The following THSD7B variants were observed in gnomAD, a reference collection of about 807,000 sequenced individuals.
THSD7B encodes the protein thrombospondin type-1 domain-containing protein 7B.
THSD7B carries 138 observed loss-of-function variants against 213.6 expected under a neutral mutation model. That is an observed-to-expected ratio of 0.65 (90% CI 0.56 to 0.74). THSD7B has a LOEUF of 0.74. Ranked by LOEUF, THSD7B falls within the 30% of genes least tolerant of loss-of-function variation. THSD7B has a pLI of 0.00. For missense variants in THSD7B, 1,931 were observed against 1,991.5 expected (o/e 0.97, Z 0.58); for synonymous variants, 742 against 687.0 (o/e 1.08, Z -1.25).
Position 137,233,143 on chromosome 2 carries a change from A to T in THSD7B, c.2150+10A>T. On this transcript the variant is annotated intron_variant, in intron 9 of 27. Transcript: ENST00000409968. ...AAGTAATGACCAAAAGGTATTTATT[A>T]GGCTGTTACTGAAAATGCATTTGCT... The T allele has an allele frequency of 6.2e-7, 1 of 1,603,368 alleles. No homozygotes were observed. Among genetic ancestry groups the T allele is most frequent in the Non-Finnish European group, 8.5e-7 (1 of 1,173,044 alleles).
rs1401196088 is a variant in THSD7B at position 137,519,845 on chromosome 2, A to G, written c.3139-43376A>G. On this transcript the variant is annotated intron_variant, in intron 15 of 27. Transcript: ENST00000409968. ...GAATTCATTGATAAATACTTAAAAT[A>G]TAAGAAAAACAACTTTATTTGATCA... is the stretch of plus-strand genomic sequence containing the variant. Among the ~76,000 whole-genome samples the G allele has an allele frequency of 3.9e-5, 6 of 152,376 alleles. No homozygotes were observed. In the East Asian group the frequency reaches 7.7e-4, roughly 20 times the overall value.
chr2:137,650,328 A>G (rs939910297), intron 21 of THSD7B, among the ~76,000 whole-genome samples: 2 of 151,986 alleles, frequency 1.3e-5, no homozygotes, highest in African/African-American at 4.8e-5. Context: ...CAGGTGTTTT[A>G]TATCCTTTAT....
At chr2:137,633,776 A>G (rs1198809911) in intron 20 of THSD7B, among the ~76,000 whole-genome samples, 1 of 152,132 alleles carries the variant, frequency 6.6e-6, no homozygotes, top group Admixed American at 6.5e-5. Flanking sequence ...AAGGAAGAGA[A>G]AAAGCTAAGC....
intron 7 of THSD7B, among the ~76,000 whole-genome samples, chr2:137,192,296 C>G (rs1236022895): frequency 6.6e-6 from 1 of 151,962 alleles, no homozygotes; most frequent in African/African-American, 2.4e-5. Context: ...AAGTAACCTC[C>G]AAGTATATTA....
chr2:137,436,300 A>G (rs1317542953), intron 14 of THSD7B, among the ~76,000 whole-genome samples: 2 of 152,118 alleles, frequency 1.3e-5, no homozygotes, highest in Non-Finnish European at 2.9e-5. Context: ...TTTATTAACT[A>G]ATTTATTCTT....
At chr2:137,037,998 G>A (rs1424457855) in intron 2 of THSD7B, among the ~76,000 whole-genome samples, 1 of 151,964 alleles carries the variant, frequency 6.6e-6, no homozygotes, top group East Asian at 1.9e-4. Flanking sequence ...AAAATGTTTT[G>A]TTGATTGCTT....
At chr2:137,553,951 C>A (rs1432148022) in intron 15 of THSD7B, among the ~76,000 whole-genome samples, 1 of 151,630 alleles carries the variant, frequency 6.6e-6, no homozygotes, top group Non-Finnish European at 1.5e-5. Context: ...TGTTTTTGGT[C>A]CTCTAGATAA....
chr2:137,511,875 C>G (rs1679967226), intron 15 of THSD7B, among the ~76,000 whole-genome samples: 1 of 152,162 alleles, frequency 6.6e-6, no homozygotes, highest in Non-Finnish European at 1.5e-5. Flanking sequence ...AAATTTTACA[C>G]TTAAATTTCT....
intron 14 of THSD7B, among the ~76,000 whole-genome samples, chr2:137,442,383 T>C (rs1687433174): frequency 6.6e-6 from 1 of 152,082 alleles, no homozygotes; most frequent in South Asian, 2.1e-4. Flanking sequence ...AGATGCTTTG[T>C]TGTGCCAAGC....
chr2:137,546,853 A>G (rs567021232), intron 15 of THSD7B, among the ~76,000 whole-genome samples: 1 of 151,926 alleles, frequency 6.6e-6, no homozygotes, highest in African/African-American at 2.4e-5. Context: ...CTTCTACCTT[A>G]CCAACAGTAG....
At chr2:137,350,009 C>T (rs1258637678) in intron 12 of THSD7B, among the ~76,000 whole-genome samples, 1 of 151,750 alleles carries the variant, frequency 6.6e-6, no homozygotes, top group Non-Finnish European at 1.5e-5. Flanking sequence ...TCAAGTATCA[C>T]TTTAAAAAGT....
Position 137,521,981 on chromosome 2 carries a change from C to T in THSD7B, c.3139-41240C>T, listed in dbSNP as rs139557170. On this transcript the variant is annotated intron_variant, in intron 15 of 27. Coordinates refer to ENST00000409968, the MANE Select transcript of THSD7B (RefSeq NM_001316349.2). ...CGAATCCCTCCTTGTAGGGGTATCA[C>T]AAAGGAAAATCCCACAAGACCTCCT... Among the ~76,000 whole-genome samples the T allele has an allele frequency of 2.5e-3, 375 of 152,270 alleles. 4 individuals carry two copies. The highest frequency in any genetic ancestry group is 7.7e-3 in the African/African-American group (319 of 41,554).
intron 1 of THSD7B, among the ~76,000 whole-genome samples, chr2:136,873,021 TA>T (rs1553454610): frequency 9.2e-5 from 4 of 43,504 alleles, no homozygotes; most frequent in Non-Finnish European, 1.2e-4. Flanking sequence ...AGACTCCATC[TA>T]AAAAAAAAAA....
intron 15 of THSD7B, among the ~76,000 whole-genome samples, chr2:137,517,070 T>G (rs1391361313): frequency 1.3e-5 from 2 of 152,196 alleles, no homozygotes; most frequent in Non-Finnish European, 2.9e-5. Flanking sequence ...AATTAACACA[T>G]CTCCTGGTAC....
At chr2:137,139,928 A>G (rs1450598279) in intron 5 of THSD7B, among the ~76,000 whole-genome samples, 1 of 152,194 alleles carries the variant, frequency 6.6e-6, no homozygotes, top group Non-Finnish European at 1.5e-5. Flanking sequence ...TAATGAGACT[A>G]TCTTCCATTT....
chr2:137,419,727 G>A (rs1024334826), intron 14 of THSD7B, among the ~76,000 whole-genome samples: 6 of 151,878 alleles, frequency 4.0e-5, no homozygotes, highest in African/African-American at 9.7e-5. Context: ...AGTCAGAGAG[G>A]TTCTCAATCT....
intron 2 of THSD7B, among the ~76,000 whole-genome samples, chr2:136,995,253 G>T (rs1402863361): frequency 6.6e-6 from 1 of 152,112 alleles, no homozygotes; most frequent in Non-Finnish European, 1.5e-5. Context: ...AATATGATTT[G>T]CACCCAAAGC....
At chr2:137,237,547 C>G (rs530104638) in intron 9 of THSD7B, among the ~76,000 whole-genome samples, 25 of 152,176 alleles carry the variant, frequency 1.6e-4, no homozygotes, top group African/African-American at 6.0e-4. Flanking sequence ...CATCAAGGCA[C>G]TCAAAATTAG....
intron 15 of THSD7B, among the ~76,000 whole-genome samples, chr2:137,503,324 C>T (rs1462042132): frequency 2.0e-5 from 3 of 152,130 alleles, no homozygotes; most frequent in African/African-American, 4.8e-5. Context: ...AAAAACATTC[C>T]TCACAAAAAA....
Sources: allele counts gnomAD v4.1 joint callset (sites outside exome capture counted in the v4.1 genomes callset), GRCh38; gene constraint gnomAD v4.1.1; transcripts MANE v1.5; gene names NCBI Gene and HGNC (gene_info 2026-07-23, HGNC 2026-07-21).